The following NR6A1 variants were observed in gnomAD, a reference collection of about 807,000 sequenced individuals.
The protein encoded by NR6A1 is retinoic acid receptor-related testis-associated receptor.
Under a neutral mutation model 59.1 loss-of-function variants are expected in NR6A1, and 7 were observed. That is an observed-to-expected ratio of 0.12 (90% CI 0.07 to 0.22). The LOEUF (loss-of-function observed/expected upper bound fraction) is 0.22, where lower values mean the gene tolerates loss of function less well. NR6A1 is among the 10% of genes least tolerant of loss of function. The probability of loss-of-function intolerance (pLI) is 1.00; values close to 1 mark genes in which losing one functional copy is unlikely to be tolerated. For missense variants in NR6A1, 468 were observed against 611.6 expected (o/e 0.77, Z 2.48); for synonymous variants, 243 against 236.1 (o/e 1.03, Z -0.27).
chr9:124,536,391 T>C (rs986832023), intron 6 of NR6A1, among the ~76,000 whole-genome samples: 3 of 151,958 alleles, frequency 2.0e-5, no homozygotes, highest in African/African-American at 4.8e-5. Flanking sequence ...ATGTGTGCAA[T>C]TGGCTGGGTG....
intron 2 of NR6A1, among the ~76,000 whole-genome samples, chr9:124,678,710 T>C (rs901717308): frequency 3.9e-5 from 6 of 152,096 alleles, no homozygotes; most frequent in African/African-American, 1.4e-4. Context: ...ACAGTCAAAC[T>C]CTCTCTAGTT....
chr9:124,670,847 T>C (rs1564228916), intron 2 of NR6A1, among the ~76,000 whole-genome samples: 1 of 152,086 alleles, frequency 6.6e-6, no homozygotes, highest in East Asian at 1.9e-4. Flanking sequence ...GGATAGAAGA[T>C]AGATAAGAAT....
intron 2 of NR6A1, among the ~76,000 whole-genome samples, chr9:124,717,374 G>C (rs574428815): frequency 2.1e-4 from 32 of 152,224 alleles, no homozygotes; most frequent in African/African-American, 7.2e-4. Context: ...TACGGTCAAA[G>C]GAATACTCCT....
rs557110105 is a variant in NR6A1, at chr9:124,620,814, A to G, written c.143-66244T>C. 2.6e-5 allele frequency among the ~76,000 whole-genome samples: 4 copies of G among 152,312 alleles called. No individual in the cohort carries two copies. In the South Asian group the frequency reaches 8.3e-4, roughly 32 times the overall value. Reference sequence around the variant, plus strand: ...GTGAAACATGTCTCATTGTTTAAAAAAAAAAAAAAGGTTTAAAAAGATACA... The same window carrying G: ...GTGAAACATGTCTCATTGTTTAAAAGAAAAAAAAAGGTTTAAAAAGATACA... On this transcript the variant is annotated intron_variant, in intron 2 of 9. Coordinates refer to ENST00000487099, the MANE Select transcript of NR6A1 (RefSeq NM_033334.4).
At chr9:124,535,751 G>T in intron 7 of NR6A1, 127 bp downstream of exon 7, 2 of 1,182,054 alleles carry the variant, frequency 1.7e-6, no homozygotes, top group Non-Finnish European at 1.2e-6. Context: ...GTCAGTGGCA[G>T]AGTGAGGATT....
intron 2 of NR6A1, among the ~76,000 whole-genome samples, chr9:124,627,203 G>A (rs1432953726): frequency 6.6e-6 from 1 of 152,176 alleles, no homozygotes; most frequent in Non-Finnish European, 1.5e-5. Context: ...TCTGACAGAT[G>A]TTTTGGCCTA....
intron 2 of NR6A1, among the ~76,000 whole-genome samples, chr9:124,709,547 TC>T (rs1389112055): frequency 6.6e-6 from 1 of 151,994 alleles, no homozygotes; most frequent in Non-Finnish European, 1.5e-5. Context: ...GAAATGAGAC[TC>T]CACATAGCCA....
At chr9:124,561,297 C>T (rs961661273) in intron 2 of NR6A1, among the ~76,000 whole-genome samples, 2 of 151,840 alleles carry the variant, frequency 1.3e-5, no homozygotes, top group South Asian at 2.1e-4. Flanking sequence ...ATTAGCCAGA[C>T]GTGGTGGTGC....
chr9:124,556,736 G>A (rs1588663915), intron 2 of NR6A1, among the ~76,000 whole-genome samples: 1 of 152,028 alleles, frequency 6.6e-6, no homozygotes. Flanking sequence ...GCTGGGATTA[G>A]AGGTGTGAGC....
At chr9:124,570,256 C>T (rs1363882728) in intron 2 of NR6A1, among the ~76,000 whole-genome samples, 5 of 151,922 alleles carry the variant, frequency 3.3e-5, no homozygotes, top group African/African-American at 1.2e-4. Flanking sequence ...TCCCCTCCAG[C>T]CTGCTTTTCC....
chr9:124,729,865 TGC>T, intron 2 of NR6A1, among the ~76,000 whole-genome samples: 1 of 150,660 alleles, frequency 6.6e-6, no homozygotes, highest in Non-Finnish European at 1.5e-5. Context: ...CAGGCTGGAG[TGC>T]AATGGCACGA....
At chr9:124,547,272 A>G (rs1156353937) in intron 3 of NR6A1, among the ~76,000 whole-genome samples, 5 of 152,128 alleles carry the variant, frequency 3.3e-5, no homozygotes, top group Non-Finnish European at 5.9e-5. Context: ...GAAACCATAA[A>G]TAACAAAGCT....
chr9:124,552,140 G>A (rs548554148), intron 3 of NR6A1, among the ~76,000 whole-genome samples: 41 of 152,298 alleles, frequency 2.7e-4, no homozygotes, highest in Non-Finnish European at 4.6e-4. Context: ...GAACAAGCAG[G>A]ATGATTCATC....
chr9:124,737,912 G>A (rs1257446608), intron 1 of NR6A1, among the ~76,000 whole-genome samples: 1 of 151,844 alleles, frequency 6.6e-6, no homozygotes, highest in Admixed American at 6.6e-5. Context: ...CTGAGGTCAG[G>A]GGTCCTAGAC....
intron 2 of NR6A1, among the ~76,000 whole-genome samples, chr9:124,588,785 T>C (rs191998743): frequency 1.9e-4 from 28 of 149,058 alleles, no homozygotes; most frequent in South Asian, 8.6e-4. Flanking sequence ...CGGGGAATGG[T>C]GGAGGGCGCC....
At chr9:124,724,381 C>G (rs1839651876) in intron 2 of NR6A1, among the ~76,000 whole-genome samples, 1 of 150,244 alleles carries the variant, frequency 6.7e-6, no homozygotes, top group Non-Finnish European at 1.5e-5. Flanking sequence ...ATGTTTTTTT[C>G]TTTTAATCAA....
chr9:124,751,828 G>C (rs1365935382), intron 1 of NR6A1, among the ~76,000 whole-genome samples: 2 of 152,154 alleles, frequency 1.3e-5, no homozygotes, highest in Non-Finnish European at 2.9e-5. Flanking sequence ...AAAGTACAAA[G>C]TGTTTCCATG....
chr9:124,528,024 G>T (rs1047510172), intron 7 of NR6A1, among the ~76,000 whole-genome samples: 3 of 152,222 alleles, frequency 2.0e-5, no homozygotes, highest in Admixed American at 1.3e-4. Flanking sequence ...AAGCAGCTTA[G>T]CTTCAGGCAT....
intron 2 of NR6A1, among the ~76,000 whole-genome samples, chr9:124,726,422 T>C (rs1839719483): frequency 6.6e-6 from 1 of 152,206 alleles, no homozygotes; most frequent in Non-Finnish European, 1.5e-5. Flanking sequence ...TTCCTTTATA[T>C]TGGGGAGCAA....
Sources: gnomAD v4.1 joint callset for allele counts (sites outside exome capture counted in the v4.1 genomes callset) on GRCh38, gnomAD v4.1.1 for gene constraint, MANE v1.5 for transcripts, NCBI Gene and HGNC (gene_info 2026-07-23, HGNC 2026-07-21) for gene names.